Variants in ANKS1B observed in about 807,000 individuals in gnomAD.
The protein encoded by ANKS1B is ankyrin repeat and sterile alpha motif domain containing 1B.
ANKS1B carries 36 observed loss-of-function variants against 148.3 expected under a neutral mutation model. The observed-to-expected ratio is 0.24, with a 90% CI of 0.19 to 0.32. The LOEUF is 0.32. Ranked by LOEUF, ANKS1B falls within the 10% of genes least tolerant of loss-of-function variation. The pLI is 1.00. For missense variants in ANKS1B, 1,157 were observed against 1,542.6 expected, an observed-to-expected ratio of 0.75 and a Z score of 4.19; for synonymous variants, 542 against 560.8, an observed-to-expected ratio of 0.97 and a Z score of 0.47.
Position 99,955,492 on chromosome 12 carries a change from C to CAAAAAA in ANKS1B, c.134+28606_134+28611dup, listed in dbSNP as rs61654867. Among the ~76,000 whole-genome samples, 15 of 38,064 alleles carry CAAAAAA rather than the reference C, an allele frequency of 3.9e-4. 2 individuals carry two copies. Among genetic ancestry groups the CAAAAAA allele is most frequent in the Admixed American group, 1.0e-3 (2 of 2,008 alleles). The allele number at this position is 38,064 out of a possible 152,430, so 25.0% of individuals were successfully genotyped here. Reference sequence around the variant, plus strand: ...TGGGCGACAGAGCGAAACTCCGTCTCAAAAAAAAAAAAAAAAAAAAAAAAA... The same window carrying CAAAAAA: ...TGGGCGACAGAGCGAAACTCCGTCTCAAAAAAAAAAAAAAAAAAAAAAAAAAAAAAA... On this transcript the variant is annotated intron_variant, in intron 1 of 26. Transcript: ENST00000683438.
chr12:99,756,036 G>A (rs2061536800), intron 8 of ANKS1B, among the ~76,000 whole-genome samples: 1 of 152,100 alleles, frequency 6.6e-6, no homozygotes, highest in East Asian at 1.9e-4. Flanking sequence ...ACTGGAACAA[G>A]ACAAGGAAGC....
At chr12:98,942,055 A>G (rs2099837639) in intron 17 of ANKS1B, among the ~76,000 whole-genome samples, 2 of 152,176 alleles carry the variant, frequency 1.3e-5, no homozygotes, top group African/African-American at 4.8e-5. Flanking sequence ...AGCCTGGCCA[A>G]CATGGTGAAA....
At chr12:99,896,162 C>T (rs2093376690) in intron 1 of ANKS1B, among the ~76,000 whole-genome samples, 1 of 151,112 alleles carries the variant, frequency 6.6e-6, no homozygotes, top group South Asian at 2.1e-4. Context: ...AGTCCTCATG[C>T]TATACAGTAA....
chr12:99,892,511 G>A (rs1488756220), intron 1 of ANKS1B, among the ~76,000 whole-genome samples: 2 of 152,150 alleles, frequency 1.3e-5, no homozygotes, highest in Non-Finnish European at 2.9e-5. Context: ...TGAGAAACCT[G>A]AATCCCCAAC....
chr12:99,359,556 G>GC (rs2092318540), intron 12 of ANKS1B, among the ~76,000 whole-genome samples: 1 of 151,946 alleles, frequency 6.6e-6, no homozygotes, highest in Admixed American at 6.6e-5. Context: ...GTTTCTTATT[G>GC]TTAAAAAAGA....
intron 12 of ANKS1B, among the ~76,000 whole-genome samples, chr12:99,372,576 C>T (rs1000288168): frequency 6.6e-6 from 1 of 152,102 alleles, no homozygotes; most frequent in African/African-American, 2.4e-5. Flanking sequence ...ATCCTCATTT[C>T]AAATCCTAAA....
intron 8 of ANKS1B, among the ~76,000 whole-genome samples, chr12:99,698,554 A>G (rs7964315): frequency 0.2 from 31,107 of 152,048 alleles, 3,739 homozygotes; most frequent in East Asian, 0.46. Context: ...TGAAGAGAAT[A>G]AATCCATGAC....
intron 8 of ANKS1B, among the ~76,000 whole-genome samples, chr12:99,761,028 ATTCCGAAATGGAATCAG>A (rs143099041): frequency 0.24 from 33,114 of 138,164 alleles, 4,113 homozygotes; most frequent in African/African-American, 0.27. Flanking sequence ...CCAATAATGA[ATTCCGAAATGGAATCAG>A]TAATAAAAAG....
chr12:99,845,405 T>C (rs1338236406), intron 1 of ANKS1B, among the ~76,000 whole-genome samples: 6 of 152,158 alleles, frequency 3.9e-5, no homozygotes, highest in African/African-American at 9.7e-5. Context: ...GTTCTTTCAA[T>C]ACCTAGTTTA....
intron 16 of ANKS1B, among the ~76,000 whole-genome samples, chr12:99,065,160 T>A (rs1227791596): frequency 6.6e-6 from 1 of 152,206 alleles, no homozygotes; most frequent in Non-Finnish European, 1.5e-5. Context: ...TGACAGTACA[T>A]GTTTTCTGTC....
intron 1 of ANKS1B, among the ~76,000 whole-genome samples, chr12:99,975,633 T>G (rs1219197464): frequency 6.6e-6 from 1 of 152,244 alleles, no homozygotes; most frequent in African/African-American, 2.4e-5. Flanking sequence ...GAGAAATGTC[T>G]GTTCATGTAC....
Position 99,137,001 on chromosome 12 carries a change from G to A in ANKS1B, c.2526+17288C>T, listed in dbSNP as rs138986845. On this transcript the variant is annotated intron_variant, in intron 15 of 26. Transcript: ENST00000683438. ...GTCACAGGCATCTACTCATTCACTT[G>A]CTAAGCTCCTTCCTCATTCTCGTTT... Among the ~76,000 whole-genome samples, 620 of 152,226 alleles carry A rather than the reference G, an allele frequency of 4.1e-3. 3 individuals carry two copies. Among genetic ancestry groups the A allele is most frequent in the Non-Finnish European group, 6.5e-3 (439 of 68,010 alleles).
At chr12:99,847,450 C>G (rs1226945289) in intron 1 of ANKS1B, among the ~76,000 whole-genome samples, 1 of 152,190 alleles carries the variant, frequency 6.6e-6, no homozygotes, top group Non-Finnish European at 1.5e-5. Context: ...AACCTACTGT[C>G]TGATAGTAGG....
At chr12:99,123,611 C>T (rs1177089316) in intron 15 of ANKS1B, among the ~76,000 whole-genome samples, 3 of 152,220 alleles carry the variant, frequency 2.0e-5, no homozygotes, top group Non-Finnish European at 4.4e-5. Flanking sequence ...GATAGTGCAG[C>T]TTTCAGTCTG....
chr12:99,301,697 T>C (rs1189859208), intron 12 of ANKS1B, among the ~76,000 whole-genome samples: 1 of 152,046 alleles, frequency 6.6e-6, no homozygotes, highest in Non-Finnish European at 1.5e-5. Flanking sequence ...CAGAAAAAGA[T>C]GAACTCTTAG....
intron 12 of ANKS1B, among the ~76,000 whole-genome samples, chr12:99,395,722 C>T (rs936944499): frequency 5.9e-5 from 9 of 152,146 alleles, no homozygotes; most frequent in African/African-American, 2.2e-4. Context: ...TGATGATTCA[C>T]AAGTTGAAGC....
rs77471958 is a variant in ANKS1B at position 99,075,532 on chromosome 12, G to A, written c.2625+9393C>T. Among the ~76,000 whole-genome samples the A allele has an allele frequency of 5.6e-3, 856 of 152,202 alleles. 13 individuals carry two copies. Among genetic ancestry groups the A allele is most frequent in the African/African-American group, 0.02 (826 of 41,530 alleles). ...TGCCAGGCTAAGGAATAATAAAAGG[G>A]ATCTGAATGACTTGCTGTCACTTCA... On this transcript the variant is annotated intron_variant, in intron 16 of 26. Transcript: ENST00000683438.
At chr12:99,658,351 G>A (rs2098460103) in intron 8 of ANKS1B, among the ~76,000 whole-genome samples, 1 of 152,068 alleles carries the variant, frequency 6.6e-6, no homozygotes, top group Non-Finnish European at 1.5e-5. Flanking sequence ...TAAATATAAA[G>A]TGCCTGACAC....
chr12:99,709,095 T>C (rs2153533099), intron 8 of ANKS1B, among the ~76,000 whole-genome samples: 1 of 152,286 alleles, frequency 6.6e-6, no homozygotes, highest in East Asian at 1.9e-4. Context: ...GAGCAGATTT[T>C]AGTGGGTCAA....
Sources: allele counts gnomAD v4.1 joint callset (sites outside exome capture counted in the v4.1 genomes callset), GRCh38; gene constraint gnomAD v4.1.1; transcripts MANE v1.5; gene names NCBI Gene and HGNC (gene_info 2026-07-23, HGNC 2026-07-21).